Variants in PTPRD observed in about 807,000 individuals in gnomAD.
PTPRD encodes the protein receptor-type tyrosine-protein phosphatase delta.
Under a neutral mutation model 214.5 loss-of-function variants are expected in PTPRD, and 34 were observed. That is an observed-to-expected ratio of 0.16 (90% CI 0.12 to 0.21). The LOEUF is 0.21. PTPRD is among the 10% of genes least tolerant of loss of function. The pLI, the probability that PTPRD is intolerant of heterozygous loss-of-function variation, is 1.00. For synonymous variants in PTPRD, 1,128 were observed against 845.7 expected, an observed-to-expected ratio of 1.33 and a Z score of -5.79; for missense variants, 2,545 against 2,398.7, an observed-to-expected ratio of 1.06 and a Z score of -1.27.
In PTPRD at chr9:10,073,460, G is replaced by A. The variant is rs12335572; in HGVS notation, c.-544-39670C>T. Among the ~76,000 whole-genome samples, 861 of 152,108 alleles carry A rather than the reference G, an allele frequency of 5.7e-3. 2 individuals are homozygous for A. Among genetic ancestry groups the A allele is most frequent in the Non-Finnish European group, 8.6e-3 (585 of 67,978 alleles). ...CTACAGAGACATGATAATGAAAAAC[G>A]GTATTCTGGATGTGATAGTAGAATA... On this transcript the variant is annotated intron_variant, in intron 3 of 45. Transcript: ENST00000381196.
chr9:8,382,740 A>G (rs549163248), intron 37 of PTPRD, among the ~76,000 whole-genome samples: 2 of 152,278 alleles, frequency 1.3e-5, no homozygotes, highest in East Asian at 3.9e-4. Context: ...AGTATCCACC[A>G]CTTTCAAAAA....
At chr9:9,384,673 T>G (rs1236403734) in intron 9 of PTPRD, among the ~76,000 whole-genome samples, 4 of 152,024 alleles carry the variant, frequency 2.6e-5, no homozygotes, top group Non-Finnish European at 5.9e-5. Context: ...TAACTTGTAG[T>G]TGTTGGTTGT....
intron 7 of PTPRD, among the ~76,000 whole-genome samples, chr9:9,720,032 G>T (rs949095305): frequency 2.6e-5 from 4 of 152,146 alleles, no homozygotes; most frequent in African/African-American, 7.2e-5. Flanking sequence ...TGGGATCTGT[G>T]TTGGTAGCAC....
chr9:9,936,559 A>G (rs900254020), intron 5 of PTPRD, among the ~76,000 whole-genome samples: 1 of 139,156 alleles, frequency 7.2e-6, no homozygotes, highest in Non-Finnish European at 1.5e-5. Flanking sequence ...GGCGATCATT[A>G]AAAAGTCAGT....
intron 39 of PTPRD, 39 bp from the exon 40 acceptor site, chr9:8,342,017 A>G: frequency 1.3e-6 from 2 of 1,532,416 alleles, no homozygotes; most frequent in Non-Finnish European, 8.7e-7. Flanking sequence ...AAATAAACCT[A>G]TCAGAAAATC....
intron 3 of PTPRD, among the ~76,000 whole-genome samples, chr9:10,286,556 C>T (rs955982425): frequency 6.6e-6 from 1 of 152,064 alleles, no homozygotes; most frequent in Admixed American, 6.6e-5. Flanking sequence ...ACTATTGAAG[C>T]CAATGGTATT....
At chr9:9,801,484 T>C (rs1056503999) in intron 5 of PTPRD, among the ~76,000 whole-genome samples, 1 of 152,126 alleles carries the variant, frequency 6.6e-6, no homozygotes, top group Non-Finnish European at 1.5e-5. Flanking sequence ...AGGCTCTTAT[T>C]ACACCTCTTT....
chr9:8,998,490 T>C (rs951302925), intron 11 of PTPRD, among the ~76,000 whole-genome samples: 6 of 151,974 alleles, frequency 3.9e-5, no homozygotes, highest in Non-Finnish European at 7.4e-5. Context: ...ACCTACTGCT[T>C]AGAAAAGAAA....
intron 14 of PTPRD, among the ~76,000 whole-genome samples, chr9:8,617,065 A>G (rs1410250384): frequency 1.3e-5 from 2 of 152,148 alleles, no homozygotes. Flanking sequence ...ACTTATTTAC[A>G]AATCCTTTTT....
chr9:8,373,500 C>T (rs2082145857), intron 39 of PTPRD, among the ~76,000 whole-genome samples: 1 of 151,926 alleles, frequency 6.6e-6, no homozygotes, highest in South Asian at 2.1e-4. Flanking sequence ...CACAGCACTT[C>T]CAAATGTCAG....
chr9:9,181,174 T>C (rs961523112), intron 10 of PTPRD, among the ~76,000 whole-genome samples: 1 of 151,956 alleles, frequency 6.6e-6, no homozygotes, highest in African/African-American at 2.4e-5. Flanking sequence ...CCTTTTCTGC[T>C]TGGCACATAC....
intron 39 of PTPRD, among the ~76,000 whole-genome samples, chr9:8,342,860 AAGGATGTATT>A (rs1441779096): frequency 6.6e-6 from 1 of 152,134 alleles, no homozygotes; most frequent in Non-Finnish European, 1.5e-5. Context: ...AAGAAAGAAA[AAGGATGTATT>A]AGTTTTGTAT....
At chr9:10,560,695 A>T (rs1220525021) in intron 2 of PTPRD, among the ~76,000 whole-genome samples, 1 of 152,234 alleles carries the variant, frequency 6.6e-6, no homozygotes, top group Non-Finnish European at 1.5e-5. Context: ...CCCAGAATAC[A>T]GTGCATAAAG....
chr9:10,523,754 T>C (rs2053339384), intron 2 of PTPRD, among the ~76,000 whole-genome samples: 1 of 151,136 alleles, frequency 6.6e-6, no homozygotes. Context: ...ATGATTACTT[T>C]TGAAAATAAA....
At chr9:8,669,889 A>G (rs2097248533) in intron 12 of PTPRD, among the ~76,000 whole-genome samples, 1 of 152,150 alleles carries the variant, frequency 6.6e-6, no homozygotes, top group Admixed American at 6.5e-5. Context: ...TGGGAAGTTA[A>G]TCAAATATCA....
intron 4 of PTPRD, among the ~76,000 whole-genome samples, chr9:9,954,314 A>AC (rs1407646891): frequency 1.9e-4 from 28 of 149,776 alleles, no homozygotes; most frequent in Non-Finnish European, 3.7e-4. Context: ...AAAAAAAAAA[A>AC]AAAAAAAAAA....
intron 2 of PTPRD, among the ~76,000 whole-genome samples, chr9:10,557,995 T>C (rs566214316): frequency 5.0e-4 from 76 of 152,286 alleles, no homozygotes; most frequent in African/African-American, 1.7e-3. Context: ...CTTGTTGAAA[T>C]TCTTAATACT....
chr9:9,540,565 G>A lies in PTPRD; in HGVS notation c.-237+34167C>T, dbSNP rs1012682408. On this transcript the variant is annotated intron_variant, in intron 8 of 45. Coordinates refer to ENST00000381196, the MANE Select transcript of PTPRD (RefSeq NM_002839.4). ...AACAAGGGACATTTAGACAGAAGTTGAGAAAAGAAGTGGCAATAACACATA... is the reference window on the plus strand; with the variant it reads ...AACAAGGGACATTTAGACAGAAGTTAAGAAAAGAAGTGGCAATAACACATA... Among the ~76,000 whole-genome samples the A allele has an allele frequency of 9.2e-5, 14 of 151,816 alleles. No homozygotes were observed. In the Admixed American group the frequency reaches 9.2e-4, roughly 10 times the overall value.
At chr9:9,090,476 C>A (rs538129453) in intron 10 of PTPRD, among the ~76,000 whole-genome samples, 14 of 152,154 alleles carry the variant, frequency 9.2e-5, no homozygotes, top group African/African-American at 2.7e-4. Flanking sequence ...TGAGATTGTA[C>A]CACATGGGTA....
Sources: allele counts gnomAD v4.1 joint callset (sites outside exome capture counted in the v4.1 genomes callset), GRCh38; gene constraint gnomAD v4.1.1; transcripts MANE v1.5; gene names NCBI Gene and HGNC (gene_info 2026-07-23, HGNC 2026-07-21).